The following NCOR1 variants were observed in gnomAD, a reference collection of about 807,000 sequenced individuals.
The protein encoded by NCOR1 is nuclear receptor corepressor 1, also known as protein phosphatase 1, regulatory subunit 109.
In NCOR1, 63 loss-of-function variants were observed where a neutral mutation model predicts 288.1. That is an observed-to-expected ratio of 0.22 (90% CI 0.18 to 0.27). The LOEUF is 0.27. Among genes scored for constraint, NCOR1 ranks in the 10% least tolerant of loss-of-function variants. NCOR1 has a pLI of 1.00. For synonymous variants in NCOR1, 1,007 were observed against 1,065.9 expected (o/e 0.94, Z 1.08); for missense variants, 2,397 against 3,019.2 (o/e 0.79, Z 4.83).
chr17:16,203,066 C>CACACACACAT (rs2091049338), intron 1 of NCOR1, among the ~76,000 whole-genome samples: 1 of 133,640 alleles, frequency 7.5e-6, no homozygotes, highest in Non-Finnish European at 1.7e-5. Context: ...CACACACACA[C>CACACACACAT]ACACACTCTG....
Position 16,086,184 on chromosome 17 carries a change from A to G in NCOR1, c.3177+98T>C, listed in dbSNP as rs2064199245. Reference sequence around the variant, plus strand: ...AAACTTCATATTCAGACAGATTATTATTTATTACAACTCTGACAAATCAGT... The same window carrying G: ...AAACTTCATATTCAGACAGATTATTGTTTATTACAACTCTGACAAATCAGT... On this transcript the variant is annotated intron_variant, in intron 23 of 45. Transcript: ENST00000268712. 3.9e-6 allele frequency: 5 copies of G among 1,268,312 alleles called. No homozygotes were observed. The Admixed American group carries it at 8.2e-5, about 21-fold the overall frequency. The allele number at this position is 1,268,312 out of a possible 1,614,324, so 78.6% of individuals were successfully genotyped here. A position where few individuals can be genotyped will look rare whatever the true frequency, so the allele number is the denominator to read the frequency against.
rs530225380 is a variant in NCOR1 at position 16,187,016 on chromosome 17, T to A, written c.109-329A>T. Among the ~76,000 whole-genome samples, 5 of 152,238 alleles carry A rather than the reference T, an allele frequency of 3.3e-5. No homozygotes were observed. The East Asian group carries it at 9.6e-4, about 29-fold the overall frequency. On this transcript the variant is annotated intron_variant, in intron 2 of 45. Transcript: ENST00000268712. Reference sequence around the variant, plus strand: ...TATGAAATCCTAAAAAGCATTCCAATACTAAATTCATAATGAGTAAGCTGG... The same window carrying A: ...TATGAAATCCTAAAAAGCATTCCAAAACTAAATTCATAATGAGTAAGCTGG...
At chr17:16,178,803 T>A (rs1025104564) in intron 3 of NCOR1, among the ~76,000 whole-genome samples, 1 of 152,234 alleles carries the variant, frequency 6.6e-6, no homozygotes, top group East Asian at 1.9e-4. Flanking sequence ...AACCAAGAAA[T>A]GTATTATATA....
Position 16,073,526 on chromosome 17 carries a change from A to G in NCOR1, c.3714T>C (p.Ala1238=), listed in dbSNP as rs1196468386. 1.1e-5 allele frequency: 17 copies of G among 1,611,710 alleles called. No homozygotes were observed. Among genetic ancestry groups the G allele is most frequent in the Non-Finnish European group, 1.4e-5 (17 of 1,178,976 alleles). ...AGCTTCTCTTTAAACTGATTTCATG[A>G]GCTGTTCTTGGACTCCTAGTCCCTT... ...AREGTRSPRT[A]HEISLKRSYE... The change falls in exon 28 of 46, where the codon GCT becomes GCC. Residue 1238 remains alanine, a synonymous_variant. Transcript: ENST00000268712.
chr17:16,111,933 C>T (rs185519483), intron 18 of NCOR1, among the ~76,000 whole-genome samples: 71 of 152,074 alleles, frequency 4.7e-4, no homozygotes, highest in African/African-American at 1.7e-3. Context: ...GCAGTGGCGC[C>T]ATCTCGGCTC....
intron 40 of NCOR1, chr17:16,057,287 T>G: frequency 1.9e-6 from 1 of 529,678 alleles, no homozygotes; most frequent in Non-Finnish European, 3.4e-6. Context: ...AACCAACAAA[T>G]AGAATATAAT....
rs2153391058 is a variant in NCOR1, at chr17:16,153,389, C to T, written c.739G>A (p.Ala247Thr). The change falls in exon 7 of 46, where the codon GCA (alanine) becomes ACA (threonine). Residue 247 changes from alanine to threonine, a missense_variant. This residue lies in a region of NCOR1 where 76 missense variants were observed against 102.2 expected (regional missense o/e 0.74). Transcript: ENST00000268712. Reference sequence around the variant, plus strand: ...TCAAAAATTTTATGAGCTTCTTCTGCTTTTTTCTAGAGATAAAGACATTGT... The same window carrying T: ...TCAAAAATTTTATGAGCTTCTTCTGTTTTTTTCTAGAGATAAAGACATTGT... ...QIIYDENRKK[A>T]EEAHKIFEGL... The T allele has an allele frequency of 6.3e-7, 1 of 1,593,076 alleles. No individual in the cohort carries two copies. The highest frequency in any genetic ancestry group is 8.6e-7 in the Non-Finnish European group (1 of 1,166,960).
At chr17:16,166,462 C>T (rs1466622462) in intron 4 of NCOR1, among the ~76,000 whole-genome samples, 2 of 152,108 alleles carry the variant, frequency 1.3e-5, no homozygotes, top group Non-Finnish European at 2.9e-5. Context: ...AGGCAGATCA[C>T]AAGGTCAGGA....
rs62641986 is a variant in NCOR1 at position 16,127,313 on chromosome 17, G to T, written c.1510-1107C>A. On this transcript the variant is annotated intron_variant, in intron 14 of 45. Transcript: ENST00000268712. ...TATATGTATGTATGTATATATACATGTATGTATATATGTATGTATATATAC... is the reference window on the plus strand; with the variant it reads ...TATATGTATGTATGTATATATACATTTATGTATATATGTATGTATATATAC... Among the ~76,000 whole-genome samples the T allele has an allele frequency of 4.9e-5, 2 of 41,230 alleles. 1 individual carries two copies. The highest frequency in any genetic ancestry group is 1.4e-4 in the African/African-American group (2 of 14,310). 27.0% of individuals were successfully genotyped at this position (41,230 alleles called of 152,430 possible).
At chr17:16,148,790 C>T (rs982022341) in intron 9 of NCOR1, among the ~76,000 whole-genome samples, 2 of 149,044 alleles carry the variant, frequency 1.3e-5, no homozygotes, top group African/African-American at 2.5e-5. Context: ...TTGAGCTTTA[C>T]AACTCAAACT....
At chr17:16,070,587 G>C in intron 30 of NCOR1, 62 bp from the exon 31 acceptor site, 3 of 1,566,952 alleles carry the variant, frequency 1.9e-6, no homozygotes, top group South Asian at 1.2e-5. Flanking sequence ...TCTATCTCAG[G>C]TCTATGTCTG....
At chr17:16,101,855 G>C in intron 19 of NCOR1, 98 bp from the exon 20 acceptor site, 1 of 1,436,296 alleles carries the variant, frequency 7.0e-7, no homozygotes, top group Non-Finnish European at 9.4e-7. Flanking sequence ...CATGTTTCAG[G>C]TGGTGATAGA....
At chr17:16,124,202 AGT>A (rs1009490976) in intron 15 of NCOR1, among the ~76,000 whole-genome samples, 26 of 152,250 alleles carry the variant, frequency 1.7e-4, no homozygotes, top group Non-Finnish European at 3.5e-4. Context: ...AATCTTAAAC[AGT>A]TCCACAAGGA....
At chr17:16,173,328 GA>G (rs1217532771) in intron 3 of NCOR1, among the ~76,000 whole-genome samples, 1 of 152,004 alleles carries the variant, frequency 6.6e-6, no homozygotes, top group Non-Finnish European at 1.5e-5. Flanking sequence ...AAAACTTCAG[GA>G]ATGGGAAACT....
chr17:16,105,881 C>T (rs1469317068), intron 19 of NCOR1, among the ~76,000 whole-genome samples: 1 of 152,186 alleles, frequency 6.6e-6, no homozygotes, highest in Non-Finnish European at 1.5e-5. Flanking sequence ...AGGCGGAACA[C>T]CTGAGGTCAG....
At chr17:16,080,141 G>T in intron 25 of NCOR1, 77 bp from the exon 26 acceptor site, 5 of 1,212,500 alleles carry the variant, frequency 4.1e-6, no homozygotes, top group Non-Finnish European at 6.0e-6. Context: ...CCCCTACTTG[G>T]GAGAGTACTC....
chr17:16,127,714 T>TGTGTATATAC (rs1568211091), intron 14 of NCOR1, among the ~76,000 whole-genome samples: 3 of 123,628 alleles, frequency 2.4e-5, no homozygotes, highest in Non-Finnish European at 3.6e-5. Context: ...TATGTGTGTG[T>TGTGTATATAC]ATATATACAT....
rs200574326 is a variant in NCOR1, at chr17:16,080,059, C to A, written c.3406G>T (p.Ala1136Ser). 5.0e-6 allele frequency: 8 copies of A among 1,613,366 alleles called. No homozygotes were observed. The highest frequency in any genetic ancestry group is 1.7e-5 in the Admixed American group (1 of 59,972). The change falls in exon 26 of 46, where the codon GCA becomes TCA. Residue 1136 changes from alanine to serine, a missense_variant. Transcript: ENST00000268712. The stretch of plus-strand genomic sequence containing the variant: ...ATACTTCCTTCTTGTATGGCTCCTG[C>A]GGTACCTGAATACAAACAAAGCTAT... The part of the protein sequence containing the change: ...AQHEGVVRGT[A>S]GAIQEGSITR...
Position 16,058,363 on chromosome 17 carries a change from T to C in NCOR1, c.6010+108A>G, listed in dbSNP as rs116157767. 8.0e-4 allele frequency: 1,134 copies of C among 1,417,332 alleles called. 12 individuals carry two copies. The African/African-American group carries it at 0.015, about 19-fold the overall frequency. The allele number at this position is 1,417,332 out of a possible 1,614,324, so 87.8% of individuals were successfully genotyped here. A position where few individuals can be genotyped will look rare whatever the true frequency, so the allele number is the denominator to read the frequency against. ...AAAGAAGGCTCATGTAAGATTACCC[T>C]AAAACAAACAAAACAAGTTAATTCT... On this transcript the variant is annotated intron_variant, in intron 38 of 45. Transcript: ENST00000268712.
Sources: gnomAD v4.1 joint callset for allele counts (sites outside exome capture counted in the v4.1 genomes callset) on GRCh38, gnomAD v4.1.1 for gene constraint, gnomAD v4.1.1 regional missense constraint, MANE v1.5 for transcripts, NCBI Gene and HGNC (gene_info 2026-07-23, HGNC 2026-07-21) for gene names.